FAM13A: variants seen among roughly 807,000 people sequenced by gnomAD.
The protein encoded by FAM13A is protein FAM13A.
A neutral mutation model predicts 129.6 loss-of-function variants in FAM13A; 76 were observed. The ratio of observed to expected loss-of-function variants is 0.59; its 90% CI spans 0.49 to 0.71. The LOEUF (loss-of-function observed/expected upper bound fraction) is 0.71, where lower values mean the gene tolerates loss of function less well. FAM13A is among the 30% of genes least tolerant of loss of function. The pLI is 0.00. For synonymous variants in FAM13A, 443 were observed against 449.9 expected (o/e 0.98, Z 0.20); for missense variants, 1,108 against 1,249.3 (o/e 0.89, Z 1.70).
intron 4 of FAM13A, among the ~76,000 whole-genome samples, chr4:88,965,825 G>C (rs1434602629): frequency 1.3e-5 from 2 of 152,010 alleles, no homozygotes; most frequent in African/African-American, 4.8e-5. Context: ...TTGTCTTTTT[G>C]TGACTAGCTT....
chr4:88,796,375 A>G (rs1465314102), intron 8 of FAM13A, among the ~76,000 whole-genome samples: 1 of 151,972 alleles, frequency 6.6e-6, no homozygotes, highest in Non-Finnish European at 1.5e-5. Flanking sequence ...GAACTTTTAA[A>G]GATAGCTGAA....
intron 14 of FAM13A, 87 bp from the exon 15 acceptor site, chr4:88,750,724 AG>A: frequency 2.0e-6 from 2 of 989,698 alleles, no homozygotes; most frequent in African/African-American, 1.6e-5. Context: ...CAGGCTTCCC[AG>A]ATGCTTTAGG....
chr4:88,770,069 AGT>A (rs1212932544), intron 11 of FAM13A, among the ~76,000 whole-genome samples: 1 of 152,216 alleles, frequency 6.6e-6, no homozygotes, highest in Non-Finnish European at 1.5e-5. Context: ...CAGGAAATAC[AGT>A]GTTTGTGTCT....
At chr4:88,752,445 TCCACAGG>T (rs1244472981) in intron 14 of FAM13A, among the ~76,000 whole-genome samples, 47 of 152,286 alleles carry the variant, frequency 3.1e-4, no homozygotes, top group Middle Eastern at 6.8e-3. Context: ...TGGAATGAAG[TCCACAGG>T]TTCTCGAAAT....
At chr4:88,939,616 G>A (rs1754419274) in intron 4 of FAM13A, among the ~76,000 whole-genome samples, 1 of 152,184 alleles carries the variant, frequency 6.6e-6, no homozygotes, top group South Asian at 2.1e-4. Flanking sequence ...TCCTACACTT[G>A]GGTGTAGATA....
At chr4:88,749,070 T>C in intron 16 of FAM13A, 37 bp from the exon 17 acceptor site, 1 of 1,436,100 alleles carries the variant, frequency 7.0e-7, no homozygotes, top group Non-Finnish European at 9.8e-7. Flanking sequence ...GCTTTGGAAC[T>C]GGAGCAGGGA....
At chr4:88,965,739 C>T (rs924692819) in intron 4 of FAM13A, among the ~76,000 whole-genome samples, 5 of 152,270 alleles carry the variant, frequency 3.3e-5, no homozygotes, top group African/African-American at 1.2e-4. Flanking sequence ...TCCCCCAGCC[C>T]CTGCTAACCA....
chr4:88,978,789 G>A (rs1291311837), intron 4 of FAM13A, among the ~76,000 whole-genome samples: 3 of 151,002 alleles, frequency 2.0e-5, no homozygotes, highest in African/African-American at 4.9e-5. Flanking sequence ...GCGAGACTCC[G>A]TCTCAAAAAA....
intron 9 of FAM13A, among the ~76,000 whole-genome samples, chr4:88,788,549 A>C (rs1207057315): frequency 6.6e-6 from 1 of 152,196 alleles, no homozygotes; most frequent in African/African-American, 2.4e-5. Flanking sequence ...CAAACACCCC[A>C]GAACATATTA....
chr4:88,786,389 A>G lies in FAM13A; in HGVS notation c.1271+1364T>C, dbSNP rs554905598. Among the ~76,000 whole-genome samples the G allele has an allele frequency of 4.6e-5, 7 of 152,366 alleles. No individual in the cohort carries two copies. In the South Asian group the frequency reaches 1.5e-3, roughly 32 times the overall value. Reference sequence around the variant, plus strand: ...AAAAAATGAGGCAGAGGATAAGAACAGTGTTAAATGAATAATTTGTGCTTT... The same window carrying G: ...AAAAAATGAGGCAGAGGATAAGAACGGTGTTAAATGAATAATTTGTGCTTT... On this transcript the variant is annotated intron_variant, in intron 10 of 23. Transcript: ENST00000264344.
intron 4 of FAM13A, among the ~76,000 whole-genome samples, chr4:88,980,403 G>C (rs1761500886): frequency 1.3e-5 from 2 of 152,168 alleles, no homozygotes; most frequent in South Asian, 4.1e-4. Flanking sequence ...ATTTTGAAAA[G>C]AAATGGTAAG....
intron 6 of FAM13A, among the ~76,000 whole-genome samples, chr4:88,894,431 A>G (rs1745935102): frequency 6.6e-6 from 1 of 152,222 alleles, no homozygotes; most frequent in South Asian, 2.1e-4. Flanking sequence ...TAATGTTTTA[A>G]AACATGCAAA....
At position 88,790,591 on chromosome 4, in the gene FAM13A, G is replaced by A. The variant is rs138392660; in HGVS notation, c.1086C>T (p.Thr362=). 5.8e-5 allele frequency: 93 copies of A among 1,599,178 alleles called. No homozygotes were observed. Among genetic ancestry groups the A allele is most frequent in the Admixed American group, 1.7e-4 (10 of 59,314 alleles). ...HVPQVSNVSA[T]GELLERTIRS... is the part of the protein sequence containing the mutation. ...ACCCAACCCAAATAACTTACTCTCC[G>A]GTTGCAGACACATTGCTGACTTGGG... The change falls in exon 9 of 24, where the codon ACC becomes ACT. Residue 362 remains threonine (T), a synonymous_variant. Coordinates refer to ENST00000264344, the MANE Select transcript of FAM13A (RefSeq NM_014883.4).
At chr4:88,967,942 C>T (rs11727482) in intron 4 of FAM13A, among the ~76,000 whole-genome samples, 2 of 151,910 alleles carry the variant, frequency 1.3e-5, no homozygotes, top group Non-Finnish European at 2.9e-5. Flanking sequence ...CTGAGTGAGA[C>T]AGGCTGTGGT....
At chr4:88,874,918 G>C (rs1009567909) in intron 6 of FAM13A, among the ~76,000 whole-genome samples, 11 of 152,148 alleles carry the variant, frequency 7.2e-5, no homozygotes, top group Admixed American at 2.6e-4. Flanking sequence ...AACCAAAACA[G>C]CATGGTACTG....
chr4:88,980,668 C>A (rs1415150489), intron 4 of FAM13A, among the ~76,000 whole-genome samples: 3 of 152,102 alleles, frequency 2.0e-5, no homozygotes, highest in Non-Finnish European at 4.4e-5. Context: ...AATATGTGAT[C>A]CTACAGCTTG....
intron 6 of FAM13A, among the ~76,000 whole-genome samples, chr4:88,856,991 A>G (rs1422860388): frequency 6.6e-6 from 1 of 152,218 alleles, no homozygotes; most frequent in Non-Finnish European, 1.5e-5. Context: ...CTTTCCAAAA[A>G]AGAGATTTGT....
chr4:88,770,137 A>G lies in FAM13A; in HGVS notation c.1459-2078T>C, dbSNP rs373843079. 5.3e-5 allele frequency among the ~76,000 whole-genome samples: 8 copies of G among 152,360 alleles called. No homozygotes were observed. The East Asian group carries it at 1.3e-3, about 26-fold the overall frequency. ...ATTTACACACTTAGATAATTTTAGA[A>G]TGGATCTGAGAAATTAAAAATTACA... On this transcript the variant is annotated intron_variant, in intron 11 of 23. Transcript: ENST00000264344.
chr4:88,766,955 T>A (rs1220555989), intron 13 of FAM13A, among the ~76,000 whole-genome samples: 1 of 152,180 alleles, frequency 6.6e-6, no homozygotes, highest in Non-Finnish European at 1.5e-5. Flanking sequence ...GCACACTGAA[T>A]GGAAGCTGGA....
Sources: gnomAD v4.1 joint callset for allele counts (sites outside exome capture counted in the v4.1 genomes callset) on GRCh38, gnomAD v4.1.1 for gene constraint, MANE v1.5 for transcripts, NCBI Gene and HGNC (gene_info 2026-07-23, HGNC 2026-07-21) for gene names.